GLDC: variants seen among roughly 807,000 people sequenced by gnomAD.
GLDC encodes glycine decarboxylase.
Under a neutral mutation model 121.3 loss-of-function variants are expected in GLDC, and 104 were observed. That is an observed-to-expected ratio of 0.86 (90% CI 0.73 to 1.01). GLDC has a LOEUF of 1.01. Ranked by LOEUF, GLDC falls within the 50% of genes least tolerant of loss-of-function variation. The probability of loss-of-function intolerance (pLI) is 0.00; values close to 1 mark genes in which losing one functional copy is unlikely to be tolerated. For missense variants in GLDC, 1,429 were observed against 1,306.6 expected (o/e 1.09, Z -1.44); for synonymous variants, 546 against 480.6 (o/e 1.14, Z -1.78).
In GLDC at chr9:6,645,337, G is replaced by C. The variant is rs755680488; in HGVS notation, c.163C>G (p.Arg55Gly). ...AAGTCGTCGTGTCTGGGCAGAAGGC[G>C]CTCCAGGAGGCGCGAGGCCCCAGCC... The part of the protein sequence containing the change: ...AAAGASRLLE[R>G]LLPRHDDFAR... Residue 55 changes from arginine to glycine, a missense_variant, in exon 1 of 25, where the codon CGC becomes GGC. Transcript: ENST00000321612. 4.0e-5 allele frequency: 62 copies of C among 1,555,916 alleles called. 1 individual carries two copies. Among genetic ancestry groups the C allele is most frequent in the Admixed American group, 2.5e-4 (13 of 52,110 alleles).
chr9:6,551,009 A>G, intron 20 of GLDC, 95 bp from the exon 21 acceptor site: 1 of 823,204 alleles, frequency 1.2e-6, no homozygotes, highest in South Asian at 1.3e-5. Flanking sequence ...AACTCCACCC[A>G]CAAAGGAAGG....
At chr9:6,569,173 C>G (rs1358015462) in intron 15 of GLDC, 1 of 149,616 alleles carries the variant, frequency 6.7e-6, no homozygotes, top group Non-Finnish European at 1.5e-5. Context: ...TCAATGTAAA[C>G]TTAAAAAAAA....
At chr9:6,620,405 G>A in intron 2 of GLDC, 86 bp from the exon 3 acceptor site, 1 of 1,152,192 alleles carries the variant, frequency 8.7e-7, no homozygotes, top group Non-Finnish European at 1.3e-6. Flanking sequence ...TTTTGTTTGA[G>A]TATTTATGAC....
intron 16 of GLDC, among the ~76,000 whole-genome samples, chr9:6,559,239 G>A (rs1447211671): frequency 6.6e-6 from 1 of 152,202 alleles, no homozygotes; most frequent in Non-Finnish European, 1.5e-5. Context: ...ACCCGGCCAG[G>A]TGCAGTGGCT....
intron 16 of GLDC, among the ~76,000 whole-genome samples, chr9:6,563,303 T>C (rs1028227356): frequency 1.3e-5 from 2 of 152,248 alleles, no homozygotes; most frequent in African/African-American, 2.4e-5. Flanking sequence ...GAAGCATTAC[T>C]GCGTGGAAAG....
chr9:6,587,670 A>G (rs1354823129), intron 14 of GLDC, among the ~76,000 whole-genome samples: 1 of 152,218 alleles, frequency 6.6e-6, no homozygotes, highest in Non-Finnish European at 1.5e-5. Context: ...CAAACACAAA[A>G]GTAAATGGGA....
intron 15 of GLDC, 96 bp from the exon 16 acceptor site, chr9:6,565,525 A>G: frequency 1.1e-6 from 1 of 895,286 alleles, no homozygotes; most frequent in South Asian, 1.3e-5. Context: ...GTTCACCAGC[A>G]CGTGACACAT....
chr9:6,636,133 G>A (rs1439461073), intron 2 of GLDC, among the ~76,000 whole-genome samples: 4 of 151,884 alleles, frequency 2.6e-5, no homozygotes, highest in African/African-American at 9.7e-5. Flanking sequence ...TGAAACCCCC[G>A]TCTCTACTAA....
intron 2 of GLDC, among the ~76,000 whole-genome samples, chr9:6,638,446 C>T (rs1161149988): frequency 6.6e-6 from 1 of 152,030 alleles, no homozygotes; most frequent in Non-Finnish European, 1.5e-5. Context: ...AACTCCGGAC[C>T]TCAGATGATC....
chr9:6,536,825 G>T (rs1335245132), intron 22 of GLDC, among the ~76,000 whole-genome samples: 1 of 152,112 alleles, frequency 6.6e-6, no homozygotes, highest in South Asian at 2.1e-4. Flanking sequence ...AAATCTTATT[G>T]TCCCCATTTT....
intron 9 of GLDC, among the ~76,000 whole-genome samples, chr9:6,594,638 T>A (rs1362045638): frequency 6.6e-6 from 1 of 151,994 alleles, no homozygotes; most frequent in Admixed American, 6.6e-5. Context: ...GAGGTTACAG[T>A]GAGCTGAGAT....
intron 15 of GLDC, among the ~76,000 whole-genome samples, chr9:6,583,891 T>C (rs982761580): frequency 6.6e-6 from 1 of 152,192 alleles, no homozygotes; most frequent in Non-Finnish European, 1.5e-5. Context: ...GAAGAGTTAC[T>C]GTTTAACAGG....
In GLDC at chr9:6,587,277, T is replaced by C. The variant is rs1163069098; in HGVS notation, c.1714A>G (p.Thr572Ala). ...LNSSSELAPI[T>A]WKEFANIHPF... ...TGGATGTTTGCAAATTCTTTCCATG[T>C]GATAGGCTGAAAAGAAAGAAAACAA... The change falls in exon 15 of 25, where the codon ACA (threonine) becomes GCA (alanine). Residue 572 changes from threonine (T) to alanine (A), a missense_variant. Thr to Ala is a moderately conservative substitution (Grantham distance 58). Transcript: ENST00000321612. The C allele has an allele frequency of 2.5e-6, 4 of 1,612,896 alleles. No individual in the cohort carries two copies. The Admixed American group carries it at 6.7e-5, about 27-fold the overall frequency.
intron 2 of GLDC, among the ~76,000 whole-genome samples, chr9:6,633,183 C>G (rs111728050): frequency 1.4e-4 from 22 of 152,220 alleles, no homozygotes; most frequent in African/African-American, 5.3e-4. Context: ...TAAGAAAGGT[C>G]GAGAATACGA....
At chr9:6,563,710 G>A (rs1038147711) in intron 16 of GLDC, among the ~76,000 whole-genome samples, 3 of 152,234 alleles carry the variant, frequency 2.0e-5, no homozygotes, top group Non-Finnish European at 4.4e-5. Context: ...TGAACAAACT[G>A]TGGGGGAATT....
At chr9:6,643,606 A>C (rs1031944194) in intron 2 of GLDC, among the ~76,000 whole-genome samples, 3 of 151,896 alleles carry the variant, frequency 2.0e-5, no homozygotes, top group African/African-American at 7.3e-5. Context: ...TCAAATACCC[A>C]CATAAAAATA....
intron 15 of GLDC, among the ~76,000 whole-genome samples, chr9:6,575,003 T>G (rs1405310103): frequency 2.3e-4 from 35 of 152,102 alleles, no homozygotes; most frequent in Admixed American, 2.3e-3. Context: ...TCCAACCCAG[T>G]GATGCACATT....
Position 6,605,155 on chromosome 9 carries a change from G to C in GLDC, c.837C>G (p.Leu279=), listed in dbSNP as rs755904706. 6.8e-6 allele frequency: 11 copies of C among 1,612,760 alleles called. No individual in the cohort carries two copies. Among genetic ancestry groups the C allele is most frequent in the Non-Finnish European group, 9.3e-6 (11 of 1,179,930 alleles). Residue 279 remains leucine, a synonymous_variant, in exon 6 of 25, where the codon CTC becomes CTG. Transcript: ENST00000321612. ...CCCCACTCTGATGAGCTCTCTCCAC[G>C]AGTTCCGTAAAGTCTTCCACCTTCC... ...TEGKVEDFTE[L]VERAHQSGSL... is the part of the protein sequence containing the mutation.
intron 15 of GLDC, among the ~76,000 whole-genome samples, chr9:6,573,499 T>G (rs995638362): frequency 6.6e-6 from 1 of 151,900 alleles, no homozygotes; most frequent in Non-Finnish European, 1.5e-5. Flanking sequence ...TATGTGATTT[T>G]TTAAAAAAAA....
Sources: allele counts gnomAD v4.1 joint callset (sites outside exome capture counted in the v4.1 genomes callset), GRCh38; gene constraint gnomAD v4.1.1; transcripts MANE v1.5; gene names NCBI Gene and HGNC (gene_info 2026-07-23, HGNC 2026-07-21).